Variants in LGALS9C observed in about 807,000 individuals in gnomAD.
LGALS9C encodes galectin-9C.
In LGALS9C, 7 loss-of-function variants were observed where a neutral mutation model predicts 41.3. The observed-to-expected ratio is 0.17, with a 90% CI of 0.10 to 0.32. The LOEUF is 0.32. Among genes scored for constraint, LGALS9C ranks in the 10% least tolerant of loss-of-function variants. LGALS9C has a pLI of 1.00. For synonymous variants in LGALS9C, 44 were observed against 171.0 expected (o/e 0.26, Z 5.80); for missense variants, 102 against 455.2 (o/e 0.22, Z 7.06).
At chr17:18,487,326 T>TAAA (rs2151668411) in intron 3 of LGALS9C, among the ~76,000 whole-genome samples, 1 of 57,196 alleles carries the variant, frequency 1.7e-5, no homozygotes, top group African/African-American at 5.9e-5. Context: ...GGAAAAATAA[T>TAAA]AAATAAATGA....
rs1989700471 is a variant in LGALS9C, at chr17:18,488,925, C to A, written c.445-16C>A. 6.6e-7 allele frequency: 1 copy of A among 1,504,244 alleles called. No individual in the cohort carries two copies. The allele number at this position is 1,504,244 out of a possible 1,614,324, so 93.2% of individuals were successfully genotyped here. Reference sequence around the variant, plus strand: ...TAATGCTTCTCCTCACCGGCCGGTGCCTTTTGTTTTAACAGAATCCCCGCG... The same window carrying A: ...TAATGCTTCTCCTCACCGGCCGGTGACTTTTGTTTTAACAGAATCCCCGCG... On this transcript the variant is annotated splice_polypyrimidine_tract_variant and intron_variant, in intron 4 of 10. Transcript: ENST00000328114.
In LGALS9C at chr17:18,487,759, T is replaced by A; in HGVS notation, c.444+2T>A. On this transcript the variant is annotated splice_donor_variant, in intron 4 of 10. Coordinates refer to ENST00000328114, the MANE Select transcript of LGALS9C (RefSeq NM_001040078.3). LOFTEE classifies it high-confidence loss of function. Reference sequence around the variant, plus strand: ...CAGCTGTCCTACATCAGCTTCCAGGTCAGACTGTCCACCTGGCACCGGTCC... The same window carrying A: ...CAGCTGTCCTACATCAGCTTCCAGGACAGACTGTCCACCTGGCACCGGTCC... 1 of 1,571,814 alleles carries A rather than the reference T, an allele frequency of 6.4e-7. No homozygotes were observed. The highest frequency in any genetic ancestry group is 8.7e-7 in the Non-Finnish European group (1 of 1,148,342).
At position 18,491,109 on chromosome 17, in the gene LGALS9C, C is replaced by T; in HGVS notation, c.577-164C>T. 5 of 1,015,738 alleles carry T rather than the reference C, an allele frequency of 4.9e-6. 1 individual carries two copies. The South Asian group carries it at 8.5e-5, about 17-fold the overall frequency. 62.9% of individuals were successfully genotyped at this position (1,015,738 alleles called of 1,614,324 possible). On this transcript the variant is annotated intron_variant, in intron 6 of 10. Transcript: ENST00000328114. ...CCATCTGTCTTCTCCAGGGTCCTAA[C>T]CTTTGCCTCTCCCTCGTCCCCTGGA... is the stretch of plus-strand genomic sequence containing the variant.
chr17:18,492,256 T>C lies in LGALS9C; in HGVS notation c.673-201T>C. The stretch of plus-strand genomic sequence containing the variant: ...CTTTCTTTCTGTGTTTGGCCAAATT[T>C]CCTTTCATGACACTAATCTAAGCCC... On this transcript the variant is annotated intron_variant, in intron 8 of 10. Transcript: ENST00000328114. The C allele has an allele frequency of 1.1e-5, 7 of 613,352 alleles. 1 individual carries two copies. The South Asian group carries it at 1.5e-4, about 13-fold the overall frequency. The allele number at this position is 613,352 out of a possible 1,614,324, so 38.0% of individuals were successfully genotyped here.
At position 18,478,185 on chromosome 17, in the gene LGALS9C, G is replaced by A. The variant is rs1682215; in HGVS notation, c.39+1292G>A. 3.1e-4 allele frequency among the ~76,000 whole-genome samples: 40 copies of A among 129,496 alleles called. 2 individuals carry two copies. The highest frequency in any genetic ancestry group is 8.3e-4 in the African/African-American group (33 of 39,728). The allele number at this position is 129,496 out of a possible 152,430, so 85.0% of individuals were successfully genotyped here. A position where few individuals can be genotyped will look rare whatever the true frequency, so the allele number is the denominator to read the frequency against. ...GTTGGGCGAGCCTTAGGGTCAGCGTGTGCCACCTTGAGCATGTCACCCCAT... is the reference window on the plus strand; with the variant it reads ...GTTGGGCGAGCCTTAGGGTCAGCGTATGCCACCTTGAGCATGTCACCCCAT... On this transcript the variant is annotated intron_variant, in intron 1 of 10. Coordinates refer to ENST00000328114, the MANE Select transcript of LGALS9C (RefSeq NM_001040078.3).
Position 18,492,799 on chromosome 17 carries a change from G to A in LGALS9C, c.864G>A (p.Trp288Ter), listed in dbSNP as rs746148987. The A allele has an allele frequency of 6.6e-7, 1 of 1,517,532 alleles. No homozygotes were observed. Among genetic ancestry groups the A allele is most frequent in the East Asian group, 2.2e-5 (1 of 44,668 alleles). 94.0% of individuals were successfully genotyped at this position (1,517,532 alleles called of 1,614,324 possible). A position where few individuals can be genotyped will look rare whatever the true frequency, so the allele number is the denominator to read the frequency against. Residue 288 changes from tryptophan (W) to a stop codon, truncating the protein, a stop_gained, in exon 10 of 11, where the codon TGG (tryptophan) becomes TGA (stop). Coordinates refer to ENST00000328114, the MANE Select transcript of LGALS9C (RefSeq NM_001040078.3). LOFTEE classifies it high-confidence loss of function. ...GTAACACCCAGATCAACAACTCTTG[G>A]GGGTCTGAGGAGCGAAGTCTGCCCC... Reference protein sequence around the residue: ...VVRNTQINNSWGSEERSLPRK... With the variant: ...VVRNTQINNS
rs1203783802 is a variant in LGALS9C, at chr17:18,494,929, G to A, written c.*562G>A. 7.5e-6 allele frequency: 1 copy of A among 133,092 alleles called. No homozygotes were observed. Among genetic ancestry groups the A allele is most frequent in the African/African-American group, 2.5e-5 (1 of 40,008 alleles). 8.2% of individuals were successfully genotyped at this position (133,092 alleles called of 1,614,324 possible). ...GTCCTTAAAATAAAGAAATGAAAAT[G>A]CTTGTTGGCACATTCATGTGGGTTG... On this transcript the variant is annotated 3_prime_UTR_variant, in exon 11 of 11. Transcript: ENST00000328114.
rs1296138558 is a variant in LGALS9C at position 18,488,597 on chromosome 17, T to C, written c.445-344T>C. Among the ~76,000 whole-genome samples the C allele has an allele frequency of 2.5e-5, 3 of 122,260 alleles. 1 individual carries two copies. Among genetic ancestry groups the C allele is most frequent in the Admixed American group, 2.4e-4 (3 of 12,726 alleles). 80.2% of individuals were successfully genotyped at this position (122,260 alleles called of 152,430 possible). A position where few individuals can be genotyped will look rare whatever the true frequency, so the allele number is the denominator to read the frequency against. The stretch of plus-strand genomic sequence containing the variant: ...ACCGGCAGCTGGATGGGAGCTGCTG[T>C]TACCCTTTTGGCATTCAAGGGAGCT... On this transcript the variant is annotated intron_variant, in intron 4 of 10. Coordinates refer to ENST00000328114, the MANE Select transcript of LGALS9C (RefSeq NM_001040078.3).
At chr17:18,491,680 CT>C in intron 7 of LGALS9C, among the ~76,000 whole-genome samples, 1 of 139,066 alleles carries the variant, frequency 7.2e-6, no homozygotes, top group South Asian at 2.5e-4. Flanking sequence ...TCTTCTCCTG[CT>C]GGTGCAAATC....
rs1555605681 is a variant in LGALS9C, at chr17:18,480,219, A to AC, written c.39+3326_39+3327insC. On this transcript the variant is annotated intron_variant, in intron 1 of 10. Transcript: ENST00000328114. ...ATGAGATCCTGTCTCAAAAAAAAAA[A>AC]AAAAAAACACAACAAACAAACAAAC... 2.1e-3 allele frequency among the ~76,000 whole-genome samples: 259 copies of AC among 123,346 alleles called. 2 individuals carry two copies. Among genetic ancestry groups the AC allele is most frequent in the African/African-American group, 6.1e-3 (233 of 38,208 alleles). The allele number at this position is 123,346 out of a possible 152,430, so 80.9% of individuals were successfully genotyped here.
chr17:18,478,639 G>C (rs1989290501), intron 1 of LGALS9C, among the ~76,000 whole-genome samples: 1 of 112,714 alleles, frequency 8.9e-6, no homozygotes, highest in African/African-American at 2.8e-5. Context: ...TGGAGGGCTG[G>C]GGGGAAGCTG....
rs1247125126 is a variant in LGALS9C at position 18,489,797 on chromosome 17, AC to A, written c.540+766del. 2.0e-5 allele frequency: 2 copies of A among 99,380 alleles called. 1 individual carries two copies. The highest frequency in any genetic ancestry group is 1.9e-4 in the Admixed American group (2 of 10,442). 6.2% of individuals were successfully genotyped at this position (99,380 alleles called of 1,614,324 possible). ...TTTGCGTGTCTGTCCCTGTCACTCC[AC>A]CCCCATCTCCCTATGCCCATGAGGC... On this transcript the variant is annotated intron_variant, in intron 5 of 10. Coordinates refer to ENST00000328114, the MANE Select transcript of LGALS9C (RefSeq NM_001040078.3).
At chr17:18,485,851 G>C in intron 2 of LGALS9C, 83 bp from the exon 3 acceptor site, 1 of 816,630 alleles carries the variant, frequency 1.2e-6, no homozygotes, top group Non-Finnish European at 2.0e-6. Context: ...GACAAACACA[G>C]GGCAGAGGCA....
At chr17:18,478,436 G>T (rs1292552179) in intron 1 of LGALS9C, among the ~76,000 whole-genome samples, 26 of 122,168 alleles carry the variant, frequency 2.1e-4, no homozygotes, top group African/African-American at 6.9e-4. Flanking sequence ...CCCTACGGGG[G>T]CTCCCCTGGG....
In LGALS9C at chr17:18,491,381, C is replaced by T. The variant is rs1313661907; in HGVS notation, c.627+58C>T. ...GCACAGTGCCCTCCTTCCCCAAGAA[C>T]TAAACTCCCTAGAGCCCTAGAGTTG... is the stretch of plus-strand genomic sequence containing the variant. On this transcript the variant is annotated intron_variant, in intron 7 of 10. Transcript: ENST00000328114. The T allele has an allele frequency of 1.0e-5, 14 of 1,404,892 alleles. 5 individuals are homozygous for T. The highest frequency in any genetic ancestry group is 1.4e-5 in the Non-Finnish European group (14 of 1,018,400). 87.0% of individuals were successfully genotyped at this position (1,404,892 alleles called of 1,614,324 possible). A position where few individuals can be genotyped will look rare whatever the true frequency, so the allele number is the denominator to read the frequency against.
At chr17:18,491,162 A>T in intron 6 of LGALS9C, 111 bp from the exon 7 acceptor site, 1 of 1,097,788 alleles carries the variant, frequency 9.1e-7, no homozygotes, top group Non-Finnish European at 1.3e-6. Context: ...CTGTGGGGCC[A>T]CTGGGCTGGT....
At chr17:18,487,895 A>C in intron 4 of LGALS9C, 138 bp downstream of exon 4, 2 of 608,346 alleles carry the variant, frequency 3.3e-6, no homozygotes, top group Non-Finnish European at 6.0e-6. Context: ...TCCCTGTCCC[A>C]GTACCTGCCC....
intron 1 of LGALS9C, 137 bp downstream of exon 1, chr17:18,477,030 C>T (rs1325866371): frequency 4.9e-5 from 50 of 1,013,570 alleles, no homozygotes; most frequent in Non-Finnish European, 7.2e-5. Context: ...GCAGAAATGT[C>T]AGTGGGGGTC....
chr17:18,478,730 T>C (rs1427444404), intron 1 of LGALS9C, among the ~76,000 whole-genome samples: 17 of 62,854 alleles, frequency 2.7e-4, no homozygotes, highest in African/African-American at 7.4e-4. Context: ...AGAGGAAGCC[T>C]GTGTGGTGGT....
Sources: gnomAD v4.1 joint callset for allele counts (sites outside exome capture counted in the v4.1 genomes callset) on GRCh38, gnomAD v4.1.1 for gene constraint, MANE v1.5 for transcripts, NCBI Gene and HGNC (gene_info 2026-07-23, HGNC 2026-07-21) for gene names.